The following MEIKIN variants were observed in gnomAD, a reference collection of about 807,000 sequenced individuals.
MEIKIN encodes the protein meiotic kinetochore factor, also known as meiosis-specific kinetochore protein.
chr5:131,872,130 G>A (rs545693452), intron 9 of MEIKIN, among the ~76,000 whole-genome samples: 204 of 152,246 alleles, frequency 1.3e-3, no homozygotes, highest in African/African-American at 4.4e-3. Context: ...CACCAGCAAC[G>A]GAACAAAGCT....
chr5:131,869,485 T>C (rs1002457675), intron 9 of MEIKIN, among the ~76,000 whole-genome samples: 1 of 152,208 alleles, frequency 6.6e-6, no homozygotes, highest in African/African-American at 2.4e-5. Flanking sequence ...CCATATAAAC[T>C]TTAGAACCAG....
intron 12 of MEIKIN, among the ~76,000 whole-genome samples, chr5:131,811,758 C>T (rs1580854367): frequency 6.6e-6 from 1 of 152,136 alleles, no homozygotes; most frequent in African/African-American, 2.4e-5. Flanking sequence ...AGGTGCCCAT[C>T]ACCACGCCCA....
chr5:131,913,545 C>A (rs887537068), intron 7 of MEIKIN, among the ~76,000 whole-genome samples: 1 of 152,204 alleles, frequency 6.6e-6, no homozygotes, highest in Non-Finnish European at 1.5e-5. Context: ...CTCCATGTGA[C>A]ACCAATATAT....
intron 7 of MEIKIN, among the ~76,000 whole-genome samples, chr5:131,913,879 T>C (rs1039138870): frequency 1.3e-5 from 2 of 152,204 alleles, no homozygotes; most frequent in African/African-American, 2.4e-5. Flanking sequence ...GCCATTGCTA[T>C]GGTTTGAATG....
chr5:131,936,183 A>G (rs1439580884), intron 4 of MEIKIN, among the ~76,000 whole-genome samples: 1 of 152,228 alleles, frequency 6.6e-6, no homozygotes, highest in Non-Finnish European at 1.5e-5. Flanking sequence ...TATCAGTGGG[A>G]GGCTGTCCTG....
intron 8 of MEIKIN, among the ~76,000 whole-genome samples, chr5:131,905,171 T>A (rs1751223633): frequency 6.6e-6 from 1 of 152,050 alleles, no homozygotes; most frequent in Non-Finnish European, 1.5e-5. Context: ...TAAATGGAAA[T>A]TTTAAAAACC....
intron 9 of MEIKIN, among the ~76,000 whole-genome samples, chr5:131,864,983 C>T (rs995097124): frequency 6.6e-6 from 1 of 152,116 alleles, no homozygotes; most frequent in Non-Finnish European, 1.5e-5. Flanking sequence ...ATTCTTTCCT[C>T]TGTTTGATTT....
At chr5:131,935,198 A>G (rs1329524103) in intron 4 of MEIKIN, among the ~76,000 whole-genome samples, 1 of 147,080 alleles carries the variant, frequency 6.8e-6, no homozygotes, top group Non-Finnish European at 1.5e-5. Context: ...TGGGATGCCA[A>G]GGTGAGAGGA....
At chr5:131,851,421 C>T (rs1338732004) in intron 10 of MEIKIN, 38 bp from the exon 11 acceptor site, 4 of 396,450 alleles carry the variant, frequency 1.0e-5, no homozygotes, top group African/African-American at 8.3e-5. Context: ...GGAAGTTAAA[C>T]ATTGCAAAAG....
At chr5:131,915,992 C>T (rs1472883907) in intron 7 of MEIKIN, among the ~76,000 whole-genome samples, 6 of 152,080 alleles carry the variant, frequency 3.9e-5, no homozygotes. Flanking sequence ...AAGAAGTTAT[C>T]GCAATATAAA....
chr5:131,850,772 CTACAAAAAA>C (rs911897352), intron 11 of MEIKIN, among the ~76,000 whole-genome samples: 6 of 151,980 alleles, frequency 3.9e-5, no homozygotes, highest in African/African-American at 9.7e-5. Context: ...AACCCAGTCT[CTACAAAAAA>C]TACAAAAAAT....
intron 9 of MEIKIN, among the ~76,000 whole-genome samples, chr5:131,862,979 A>G (rs568408805): frequency 4.4e-4 from 67 of 152,348 alleles, no homozygotes; most frequent in African/African-American, 1.5e-3. Flanking sequence ...GATTACAAGC[A>G]TGAGCCACTG....
intron 8 of MEIKIN, among the ~76,000 whole-genome samples, chr5:131,888,851 A>ATCT (rs1750853010): frequency 6.6e-6 from 1 of 152,162 alleles, no homozygotes; most frequent in Non-Finnish European, 1.5e-5. Flanking sequence ...TAGGTCTAAC[A>ATCT]TGTAAGTCTT....
At chr5:131,846,393 C>T (rs955691354) in intron 11 of MEIKIN, among the ~76,000 whole-genome samples, 2 of 152,124 alleles carry the variant, frequency 1.3e-5, no homozygotes, top group Admixed American at 6.5e-5. Flanking sequence ...ATTATTATAA[C>T]AACAATTTAT....
intron 4 of MEIKIN, among the ~76,000 whole-genome samples, chr5:131,937,010 C>G (rs940584216): frequency 6.6e-6 from 1 of 152,138 alleles, no homozygotes; most frequent in Non-Finnish European, 1.5e-5. Context: ...TATTGGAGAT[C>G]TCAATCCATT....
At chr5:131,870,319 C>A (rs1311289192) in intron 9 of MEIKIN, among the ~76,000 whole-genome samples, 2 of 152,184 alleles carry the variant, frequency 1.3e-5, no homozygotes, top group Admixed American at 6.5e-5. Context: ...ACCATTTCCC[C>A]TTTTCTGGGT....
intron 5 of MEIKIN, 43 bp downstream of exon 5, chr5:131,933,470 A>T: frequency 2.5e-6 from 1 of 396,214 alleles, no homozygotes; most frequent in Middle Eastern, 6.4e-4. Context: ...CAAAAGAATA[A>T]TTTCTATAGT....
intron 8 of MEIKIN, among the ~76,000 whole-genome samples, chr5:131,884,530 A>G (rs1028170337): frequency 2.0e-5 from 3 of 149,996 alleles, no homozygotes; most frequent in African/African-American, 4.9e-5. Flanking sequence ...ATAACCAGCA[A>G]TGATACCAGG....
chr5:131,908,015 A>G (rs1751271538), intron 8 of MEIKIN, among the ~76,000 whole-genome samples: 1 of 152,234 alleles, frequency 6.6e-6, no homozygotes, highest in Admixed American at 6.5e-5. Flanking sequence ...TTAAAGAAGT[A>G]CTAATACCAA....
Sources: gnomAD v4.1 joint callset for allele counts (sites outside exome capture counted in the v4.1 genomes callset) on GRCh38, gnomAD v4.1.1 for gene constraint, MANE v1.5 for transcripts, NCBI Gene and HGNC (gene_info 2026-07-23, HGNC 2026-07-21) for gene names.